The following ASIC2 variants were observed in gnomAD, a reference collection of about 807,000 sequenced individuals.
ASIC2 encodes the protein acid sensing ion channel subunit 2, also known as acid-sensing ion channel 2.
Under a neutral mutation model 57.3 loss-of-function variants are expected in ASIC2, and 25 were observed. That is an observed-to-expected ratio of 0.44 (90% CI 0.32 to 0.61). The LOEUF is 0.61. ASIC2 is among the 20% of genes least tolerant of loss of function. ASIC2 has a pLI of 0.06. For synonymous variants in ASIC2, 319 were observed against 307.5 expected (o/e 1.04, Z -0.39); for missense variants, 641 against 738.1 (o/e 0.87, Z 1.52).
At chr17:33,857,074 G>T (rs1488664322) in intron 1 of ASIC2, among the ~76,000 whole-genome samples, 2 of 152,104 alleles carry the variant, frequency 1.3e-5, no homozygotes, top group Non-Finnish European at 2.9e-5. Context: ...GGTGTGCATT[G>T]CTCTCTGCTG....
chr17:33,621,432 C>T (rs754437503), intron 1 of ASIC2, among the ~76,000 whole-genome samples: 5 of 152,200 alleles, frequency 3.3e-5, no homozygotes, highest in Non-Finnish European at 5.9e-5. Context: ...TAAGGAGTCG[C>T]AGATGTGTAA....
chr17:34,134,776 G>A lies in ASIC2; in HGVS notation c.555+21202C>T, dbSNP rs531206516. On this transcript the variant is annotated intron_variant, in intron 1 of 9. Coordinates refer to the ASIC2 transcript ENST00000359872. ...AAACCCTCTGCTTATGACCACTCTC[G>A]TAGACAGACATGCAGCCAGTCATTT... 1.4e-4 allele frequency among the ~76,000 whole-genome samples: 21 copies of A among 152,290 alleles called. No individual in the cohort carries two copies. The South Asian group carries it at 3.1e-3, about 23-fold the overall frequency.
chr17:33,299,179 C>T (rs924255573), intron 1 of ASIC2, among the ~76,000 whole-genome samples: 1 of 151,858 alleles, frequency 6.6e-6, no homozygotes, highest in East Asian at 1.9e-4. Context: ...CACAACCTGA[C>T]TTCAAACTAT....
chr17:33,262,586 T>A (rs1353561145), intron 1 of ASIC2, among the ~76,000 whole-genome samples: 1 of 152,158 alleles, frequency 6.6e-6, no homozygotes, highest in African/African-American at 2.4e-5. Flanking sequence ...CCAAGCACTT[T>A]CCAAACTTAC....
rs1345724266 is a variant in ASIC2 at position 33,292,993 on chromosome 17, G to A, written c.-878C>T. ...TCGCCTCGGCTCTCCCAGGTGCCTC[G>A]CGTCTCCAGAAAAGCCCAGCCTTGC... On this transcript the variant is annotated 5_prime_UTR_variant, in exon 1 of 10. Transcript: ENST00000225823. 1.0e-6 allele frequency: 1 copy of A among 985,396 alleles called. No homozygotes were observed. The highest frequency in any genetic ancestry group is 1.1e-4 in the East Asian group (1 of 8,812). 61.0% of individuals were successfully genotyped at this position (985,396 alleles called of 1,614,324 possible).
intron 1 of ASIC2, among the ~76,000 whole-genome samples, chr17:33,620,948 G>A (rs923132924): frequency 2.6e-5 from 4 of 151,608 alleles, no homozygotes; most frequent in African/African-American, 9.7e-5. Flanking sequence ...CCCGCTGGCC[G>A]TCCTTCTTTT....
At chr17:33,990,968 T>G (rs1406301483) in intron 1 of ASIC2, among the ~76,000 whole-genome samples, 1 of 152,226 alleles carries the variant, frequency 6.6e-6, no homozygotes, top group Non-Finnish European at 1.5e-5. Context: ...ATGTTTAGGT[T>G]ATTGCAGTAA....
Position 33,034,267 on chromosome 17 carries a change from G to A in ASIC2, c.988-5875C>T, listed in dbSNP as rs548921578. On this transcript the variant is annotated intron_variant, in intron 3 of 9. Coordinates refer to ENST00000225823, the MANE Select transcript of ASIC2 (RefSeq NM_183377.2). ...GGATAAGAACTCAGGCAAAGGCACC[G>A]TGGCCACAGAGGTTTCCAGCCAGAA... is the stretch of plus-strand genomic sequence containing the variant. 4.3e-4 allele frequency among the ~76,000 whole-genome samples: 65 copies of A among 152,208 alleles called. 1 individual carries two copies. The highest frequency in any genetic ancestry group is 7.8e-4 in the Admixed American group (12 of 15,300).
chr17:33,486,564 G>A (rs189058707), intron 1 of ASIC2, among the ~76,000 whole-genome samples: 31 of 152,332 alleles, frequency 2.0e-4, no homozygotes, highest in African/African-American at 6.0e-4. Context: ...GCTTGTTGGG[G>A]ATTCCCCTAC....
chr17:34,153,080 T>C (rs1904587350), intron 1 of ASIC2, among the ~76,000 whole-genome samples: 1 of 152,212 alleles, frequency 6.6e-6, no homozygotes, highest in African/African-American at 2.4e-5. Context: ...CTTCTCTCAC[T>C]CTGCTAGAAT....
intron 1 of ASIC2, among the ~76,000 whole-genome samples, chr17:33,485,709 C>T (rs1913554599): frequency 6.6e-6 from 1 of 152,192 alleles, no homozygotes; most frequent in Admixed American, 6.5e-5. Flanking sequence ...TTTCAAGGAA[C>T]TTGCTTCAAT....
intron 1 of ASIC2, among the ~76,000 whole-genome samples, chr17:33,489,783 C>A (rs188233622): frequency 6.6e-6 from 1 of 152,338 alleles, no homozygotes; most frequent in Non-Finnish European, 1.5e-5. Flanking sequence ...ATTCACCAAG[C>A]ATTCACTGAG....
intron 1 of ASIC2, among the ~76,000 whole-genome samples, chr17:33,516,405 T>TGAGTGTGTGA (rs759371339): frequency 2.8e-4 from 29 of 101,826 alleles, no homozygotes; most frequent in Admixed American, 1.2e-3. Context: ...TTTGTGAGTG[T>TGAGTGTGTGA]GAGTGTGTGT....
chr17:33,906,871 A>G (rs76729081), intron 1 of ASIC2, among the ~76,000 whole-genome samples: 1,847 of 152,274 alleles, frequency 0.012, 37 homozygotes, highest in African/African-American at 0.042. Flanking sequence ...CTCTGGCTAC[A>G]AGTCTTGAAT....
At chr17:33,769,248 C>A (rs140274379) in intron 1 of ASIC2, among the ~76,000 whole-genome samples, 355 of 152,344 alleles carry the variant, frequency 2.3e-3, no homozygotes, top group African/African-American at 8.0e-3. Context: ...CACACTAACA[C>A]CCCCTTTGGG....
At chr17:33,437,155 G>A (rs58247489) in intron 1 of ASIC2, among the ~76,000 whole-genome samples, 58,561 of 151,506 alleles carry the variant, frequency 0.39, 11,690 homozygotes, top group Non-Finnish European at 0.42. Context: ...GTGAGCCACC[G>A]CGCCCGGCCC....
chr17:33,583,061 A>G (rs554011402), intron 1 of ASIC2, among the ~76,000 whole-genome samples: 1 of 152,340 alleles, frequency 6.6e-6, no homozygotes. Context: ...GGTGACTTCT[A>G]CAAAGGCTCA....
At chr17:33,143,468 C>G (rs1904413796) in intron 1 of ASIC2, among the ~76,000 whole-genome samples, 1 of 152,154 alleles carries the variant, frequency 6.6e-6, no homozygotes, top group South Asian at 2.1e-4. Flanking sequence ...TATATTATCC[C>G]TAATCCTTCA....
chr17:34,155,249 T>C (rs1904672206), intron 1 of ASIC2, among the ~76,000 whole-genome samples: 1 of 152,106 alleles, frequency 6.6e-6, no homozygotes, highest in Non-Finnish European at 1.5e-5. Flanking sequence ...GGCATCTCCC[T>C]GACCCTCTTG....
Sources: allele counts gnomAD v4.1 joint callset (sites outside exome capture counted in the v4.1 genomes callset), GRCh38; gene constraint gnomAD v4.1.1; transcripts MANE v1.5; gene names NCBI Gene and HGNC (gene_info 2026-07-23, HGNC 2026-07-21).